DNAH14: variants seen among roughly 807,000 people sequenced by gnomAD.
DNAH14 encodes dynein axonemal heavy chain 14.
Under a neutral mutation model 520.9 loss-of-function variants are expected in DNAH14, and 478 were observed. The ratio of observed to expected loss-of-function variants is 0.92; its 90% CI spans 0.85 to 0.99. DNAH14 has a LOEUF of 0.99. DNAH14 is among the 50% of genes least tolerant of loss of function. The probability of loss-of-function intolerance (pLI) is 0.00; values close to 1 mark genes in which losing one functional copy is unlikely to be tolerated. For synonymous variants in DNAH14, 1,581 were observed against 1,757.2 expected (o/e 0.90, Z 2.51); for missense variants, 4,831 against 5,234.5 (o/e 0.92, Z 2.38).
chr1:225,395,702 C>G (rs568970106), intron 84 of DNAH14: 3 of 152,148 alleles, frequency 2.0e-5, no homozygotes, highest in Non-Finnish European at 4.4e-5. Context: ...TATTCTAATC[C>G]TATCTGCCTT....
At chr1:225,003,005 A>T in intron 9 of DNAH14, 78 bp downstream of exon 9, 1 of 1,260,314 alleles carries the variant, frequency 7.9e-7, no homozygotes, top group South Asian at 1.8e-5. Context: ...GAATTAAAAA[A>T]TACAGATTTC....
intron 21 of DNAH14, among the ~76,000 whole-genome samples, chr1:225,090,265 T>TA (rs1468009391): frequency 6.6e-6 from 1 of 152,120 alleles, no homozygotes; most frequent in Non-Finnish European, 1.5e-5. Context: ...AAATGGAAGA[T>TA]ACATTGTGTT....
intron 12 of DNAH14, 120 bp downstream of exon 12, chr1:225,038,943 A>AAC (rs894220160): frequency 8.8e-5 from 69 of 783,344 alleles, no homozygotes; most frequent in Admixed American, 6.7e-4. Flanking sequence ...TACCCTCGCC[A>AAC]ACACACACAC....
At chr1:225,146,295 A>G (rs1009416652) in intron 30 of DNAH14, among the ~76,000 whole-genome samples, 1 of 152,216 alleles carries the variant, frequency 6.6e-6, no homozygotes, top group African/African-American at 2.4e-5. Context: ...GGAAGGAACA[A>G]TCTTCTACAT....
chr1:225,133,758 G>A (rs942959045), intron 27 of DNAH14, among the ~76,000 whole-genome samples: 2 of 152,100 alleles, frequency 1.3e-5, no homozygotes, highest in Non-Finnish European at 2.9e-5. Context: ...CTAATTCTAT[G>A]GAGAATGTCA....
intron 1 of DNAH14, among the ~76,000 whole-genome samples, chr1:224,937,751 G>C (rs1201474566): frequency 6.6e-6 from 1 of 151,868 alleles, no homozygotes; most frequent in Non-Finnish European, 1.5e-5. Flanking sequence ...AAGCCCTCCT[G>C]AGCAAAAAGA....
chr1:225,015,990 T>C (rs1183100807), intron 10 of DNAH14, among the ~76,000 whole-genome samples: 1 of 152,196 alleles, frequency 6.6e-6, no homozygotes, highest in Non-Finnish European at 1.5e-5. Flanking sequence ...GTAGCTCTTA[T>C]TGTAATGAAT....
intron 35 of DNAH14, among the ~76,000 whole-genome samples, chr1:225,160,818 C>G (rs2081441219): frequency 2.0e-5 from 3 of 152,010 alleles, no homozygotes. Context: ...AAAAAACTAG[C>G]CTTCTTTCTG....
intron 69 of DNAH14, among the ~76,000 whole-genome samples, chr1:225,342,976 G>T (rs1022037552): frequency 2.0e-5 from 3 of 151,888 alleles, no homozygotes; most frequent in African/African-American, 7.3e-5. Flanking sequence ...CGCTGCCTTG[G>T]ACTTCCCGGA....
At chr1:225,295,319 G>A (rs923611227) in intron 55 of DNAH14, among the ~76,000 whole-genome samples, 12 of 151,930 alleles carry the variant, frequency 7.9e-5, no homozygotes, top group African/African-American at 2.7e-4. Flanking sequence ...CTTGCTTTTT[G>A]TAGTTCCCTG....
Position 225,019,253 on chromosome 1 carries a change from AAAAAG to A in DNAH14, c.1108-4360_1108-4356del, listed in dbSNP as rs529794509. Among the ~76,000 whole-genome samples the A allele has an allele frequency of 2.1e-3, 325 of 152,352 alleles. 3 individuals are homozygous for A. Among genetic ancestry groups the A allele is most frequent in the African/African-American group, 7.6e-3 (317 of 41,588 alleles). Reference sequence around the variant, plus strand: ...CTGTCTGGCAAATGGAAAACAAAAAAAAAAGAGCAGAGGTTGCTATTCTTATATCA... The same window carrying A: ...CTGTCTGGCAAATGGAAAACAAAAAAAGCAGAGGTTGCTATTCTTATATCA... On this transcript the variant is annotated intron_variant, in intron 10 of 85. Transcript: ENST00000682510.
Position 225,259,310 on chromosome 1 carries a change from T to C in DNAH14, c.7157+57T>C, listed in dbSNP as rs555998132. The C allele has an allele frequency of 4.8e-5, 58 of 1,219,722 alleles. No homozygotes were observed. In the East Asian group the frequency reaches 1.7e-3, roughly 36 times the overall value. The allele number at this position is 1,219,722 out of a possible 1,614,324, so 75.6% of individuals were successfully genotyped here. ...TCTGATTTTAAAAAGTGTGCTTTAA[T>C]ATATAAATATGCCTGTTTTTAAAAA... On this transcript the variant is annotated intron_variant, in intron 46 of 85. Coordinates refer to ENST00000682510, the MANE Select transcript of DNAH14 (RefSeq NM_001367479.1).
chr1:224,940,543 T>A (rs1362580700), intron 1 of DNAH14, among the ~76,000 whole-genome samples: 1 of 152,222 alleles, frequency 6.6e-6, no homozygotes, highest in African/African-American at 2.4e-5. Context: ...TATTATACTT[T>A]AAGTTTTAGG....
intron 47 of DNAH14, among the ~76,000 whole-genome samples, 155 bp from the exon 48 acceptor site, chr1:225,265,027 G>T (rs936931922): frequency 1.3e-5 from 2 of 152,104 alleles, no homozygotes; most frequent in African/African-American, 4.8e-5. Flanking sequence ...AAATAGCAAA[G>T]AAATATTCCA....
At chr1:224,954,284 A>G (rs1024203699) in intron 2 of DNAH14, among the ~76,000 whole-genome samples, 1 of 152,150 alleles carries the variant, frequency 6.6e-6, no homozygotes, top group Non-Finnish European at 1.5e-5. Context: ...TTGTCCTAGA[A>G]AAGAAATATT....
intron 54 of DNAH14, among the ~76,000 whole-genome samples, chr1:225,282,868 C>T (rs941040104): frequency 6.6e-6 from 1 of 152,012 alleles, no homozygotes; most frequent in African/African-American, 2.4e-5. Context: ...GTGTGCTTTG[C>T]CCATTTTTCT....
intron 55 of DNAH14, among the ~76,000 whole-genome samples, chr1:225,297,276 A>C (rs1343256075): frequency 6.6e-6 from 1 of 151,602 alleles, no homozygotes; most frequent in Admixed American, 6.6e-5. Context: ...TATCTTCCTG[A>C]TTTTGTTGAG....
chr1:225,257,028 T>C (rs1004900029), intron 44 of DNAH14, among the ~76,000 whole-genome samples: 1 of 152,106 alleles, frequency 6.6e-6, no homozygotes, highest in African/African-American at 2.4e-5. Context: ...ATTTCTGAGA[T>C]CAGCAGAGAC....
intron 66 of DNAH14, among the ~76,000 whole-genome samples, chr1:225,335,820 T>C (rs200451816): frequency 3.0e-5 from 3 of 100,760 alleles, no homozygotes; most frequent in Non-Finnish European, 4.0e-5. Flanking sequence ...TATATGTACA[T>C]ACACATATGT....
Sources: allele counts gnomAD v4.1 joint callset (sites outside exome capture counted in the v4.1 genomes callset), GRCh38; gene constraint gnomAD v4.1.1; transcripts MANE v1.5; gene names NCBI Gene and HGNC (gene_info 2026-07-23, HGNC 2026-07-21).